PKIB: variants seen among roughly 807,000 people sequenced by gnomAD.
PKIB encodes the protein PKI-beta.
A neutral mutation model predicts 4.5 loss-of-function variants in PKIB; 2 were observed. The observed-to-expected ratio is 0.44, with a 90% CI of 0.18 to 1.39. The LOEUF (loss-of-function observed/expected upper bound fraction) is 1.39. Among genes scored for constraint, PKIB ranks in the 40% most tolerant of loss-of-function variants. The pLI, the probability that PKIB is intolerant of heterozygous loss-of-function variation, is 0.27. For missense variants in PKIB, 94 were observed against 92.6 expected, an observed-to-expected ratio of 1.02 and a Z score of -0.06; for synonymous variants, 38 against 36.0, an observed-to-expected ratio of 1.06 and a Z score of -0.20.
chr6:122,724,976 C>T lies in PKIB; in HGVS notation c.170-152C>T, dbSNP rs1779898780. The T allele has an allele frequency of 1.6e-5, 10 of 608,380 alleles. No homozygotes were observed. The South Asian group carries it at 2.0e-4, about 12-fold the overall frequency. The allele number at this position is 608,380 out of a possible 1,614,324, so 37.7% of individuals were successfully genotyped here. A position where few individuals can be genotyped will look rare whatever the true frequency, so the allele number is the denominator to read the frequency against. On this transcript the variant is annotated intron_variant, in intron 4 of 4. Transcript: ENST00000368452. ...ATCAGGAGAAGGTAGATTCCCAAAC[C>T]TACTCATATCGCTCTTCTTTGTATA...
chr6:122,703,415 A>T (rs1778914115), intron 3 of PKIB, among the ~76,000 whole-genome samples: 1 of 152,150 alleles, frequency 6.6e-6, no homozygotes, highest in Admixed American at 6.5e-5. Flanking sequence ...CTGAAAGCAA[A>T]CAGTTGCTCT....
At chr6:122,656,387 G>A (rs1776776786) in intron 2 of PKIB, among the ~76,000 whole-genome samples, 1 of 152,028 alleles carries the variant, frequency 6.6e-6, no homozygotes, top group Non-Finnish European at 1.5e-5. Context: ...ATCAGTTCAT[G>A]GAGAATTAAA....
upstream of PKIB, among the ~76,000 whole-genome samples, chr6:122,606,687 G>A (rs1251770028): frequency 4.6e-5 from 7 of 152,054 alleles, no homozygotes; most frequent in Admixed American, 4.6e-4. Flanking sequence ...AATTGTGAGA[G>A]AATAAATTCC....
At chr6:122,666,726 T>C (rs1276651506) in intron 2 of PKIB, among the ~76,000 whole-genome samples, 1 of 152,196 alleles carries the variant, frequency 6.6e-6, no homozygotes, top group Non-Finnish European at 1.5e-5. Flanking sequence ...TGAAAAAATA[T>C]GGGATATATC....
intron 3 of PKIB, among the ~76,000 whole-genome samples, chr6:122,711,489 T>G (rs1366117243): frequency 6.6e-6 from 1 of 152,186 alleles, no homozygotes; most frequent in Admixed American, 6.6e-5. Context: ...TTAGTCCTTT[T>G]GGGAATCTGC....
intron 3 of PKIB, among the ~76,000 whole-genome samples, chr6:122,600,412 C>T (rs987309853): frequency 1.3e-5 from 2 of 152,168 alleles, no homozygotes; most frequent in Admixed American, 6.5e-5. Flanking sequence ...ATTAAGTTGA[C>T]ACTCAGTATT....
chr6:122,697,957 C>T (rs1243387905), intron 3 of PKIB, among the ~76,000 whole-genome samples: 2 of 152,018 alleles, frequency 1.3e-5, no homozygotes, highest in East Asian at 1.9e-4. Flanking sequence ...AAGAGATTCA[C>T]AGAGTTCTTT....
chr6:122,681,770 T>G (rs1362778963), intron 3 of PKIB, among the ~76,000 whole-genome samples: 1 of 152,246 alleles, frequency 6.6e-6, no homozygotes, highest in Non-Finnish European at 1.5e-5. Context: ...CCCAGCCACA[T>G]TGAAAATGAT....
intron 2 of PKIB, among the ~76,000 whole-genome samples, chr6:122,506,984 A>T (rs902017848): frequency 6.6e-6 from 1 of 152,092 alleles, no homozygotes; most frequent in African/African-American, 2.4e-5. Flanking sequence ...TACAAGCATG[A>T]GCCACCGCGC....
chr6:122,491,886 G>A (rs1031692796), intron 2 of PKIB, among the ~76,000 whole-genome samples: 12 of 152,066 alleles, frequency 7.9e-5, no homozygotes, highest in Admixed American at 2.0e-4. Flanking sequence ...AAAGCTACTC[G>A]GTAAAAATAA....
intron 2 of PKIB, among the ~76,000 whole-genome samples, chr6:122,555,555 A>G (rs1455874743): frequency 6.6e-6 from 1 of 152,180 alleles, no homozygotes; most frequent in East Asian, 1.9e-4. Context: ...AAAATCAAGG[A>G]AAAAAATAGA....
At chr6:122,527,969 T>C (rs1050438792) in intron 2 of PKIB, among the ~76,000 whole-genome samples, 11 of 152,198 alleles carry the variant, frequency 7.2e-5, no homozygotes, top group African/African-American at 1.9e-4. Context: ...ATTGAAAGTA[T>C]TGAAGTCTCC....
chr6:122,668,862 A>C (rs1777335743), intron 2 of PKIB, among the ~76,000 whole-genome samples: 1 of 152,214 alleles, frequency 6.6e-6, no homozygotes, highest in African/African-American at 2.4e-5. Flanking sequence ...CATATCTTCC[A>C]ATGAAACAAT....
At chr6:122,707,345 T>G (rs1779103792) in intron 3 of PKIB, among the ~76,000 whole-genome samples, 1 of 152,010 alleles carries the variant, frequency 6.6e-6, no homozygotes, top group Non-Finnish European at 1.5e-5. Context: ...AAATCAGAGC[T>G]CAAAAAGGCT....
intron 1 of PKIB, among the ~76,000 whole-genome samples, chr6:122,611,980 T>G (rs1418832293): frequency 9.9e-5 from 15 of 152,186 alleles, no homozygotes; most frequent in Non-Finnish European, 2.9e-5. Flanking sequence ...TGGAAAACGT[T>G]TTTAGTAATG....
At position 122,585,062 on chromosome 6, in the gene PKIB, G is replaced by A. The variant is rs114121280; in HGVS notation, c.-247-859G>A. On this transcript the variant is annotated intron_variant, in intron 2 of 6. Coordinates refer to the PKIB transcript ENST00000392491. ...TTAATTTGCATATAATTAAAAGTGG[G>A]TATACATATGACTGCAGGACTGCCT... Among the ~76,000 whole-genome samples the A allele has an allele frequency of 2.5e-3, 381 of 152,160 alleles. 1 individual carries two copies. The highest frequency in any genetic ancestry group is 8.7e-3 in the African/African-American group (363 of 41,514).
At chr6:122,572,857 A>C (rs1055440605) in intron 2 of PKIB, among the ~76,000 whole-genome samples, 7 of 152,182 alleles carry the variant, frequency 4.6e-5, no homozygotes, top group Non-Finnish European at 8.8e-5. Flanking sequence ...TTATACACAC[A>C]AACTAGAAAA....
In PKIB at chr6:122,657,110, A is replaced by G. The variant is rs552123106; in HGVS notation, c.-75-17968A>G. Among the ~76,000 whole-genome samples, 252 of 152,344 alleles carry G rather than the reference A, an allele frequency of 1.7e-3. 1 individual carries two copies. Among genetic ancestry groups the G allele is most frequent in the African/African-American group, 5.7e-3 (239 of 41,588 alleles). ...AATAGTTAAAGTAGTGAAGCAGATT[A>G]ACATATCTGTCATCTCACGTAGCTA... On this transcript the variant is annotated intron_variant, in intron 2 of 4. Coordinates refer to ENST00000368452, the MANE Select transcript of PKIB (RefSeq NM_181795.3).
intron 1 of PKIB, among the ~76,000 whole-genome samples, chr6:122,630,053 G>C (rs1365697185): frequency 6.6e-6 from 1 of 152,064 alleles, no homozygotes; most frequent in East Asian, 1.9e-4. Flanking sequence ...GGGAAACTGG[G>C]TATGGAACAG....
Sources: allele counts gnomAD v4.1 joint callset (sites outside exome capture counted in the v4.1 genomes callset), GRCh38; gene constraint gnomAD v4.1.1; transcripts MANE v1.5; gene names NCBI Gene and HGNC (gene_info 2026-07-23, HGNC 2026-07-21).